PLAAT5: variants seen among roughly 807,000 people sequenced by gnomAD.
PLAAT5 encodes Ca(2+)-independent N-acyltransferase.
A neutral mutation model predicts 27.8 loss-of-function variants in PLAAT5; 27 were observed. The ratio of observed to expected loss-of-function variants is 0.97; its 90% confidence interval spans 0.72 to 1.34. The LOEUF is 1.34. Ranked by LOEUF, PLAAT5 falls within the 40% of genes most tolerant of loss-of-function variation. The pLI, the probability that PLAAT5 is intolerant of heterozygous loss-of-function variation, is 0.00. For synonymous variants in PLAAT5, 125 were observed against 136.1 expected, an observed-to-expected ratio of 0.92 and a Z score of 0.57; for missense variants, 368 against 343.8, an observed-to-expected ratio of 1.07 and a Z score of -0.56.
chr11:63,481,834 C>T (rs1403291214), intron 3 of PLAAT5, among the ~76,000 whole-genome samples: 2 of 152,114 alleles, frequency 1.3e-5, no homozygotes, highest in Admixed American at 6.5e-5. Context: ...CATGTTCTCA[C>T]TCATAGGTGG....
intron 3 of PLAAT5, among the ~76,000 whole-genome samples, chr11:63,473,706 G>GTTTTTTTTTTT: frequency 8.5e-6 from 1 of 117,684 alleles, no homozygotes; most frequent in Admixed American, 8.6e-5. Context: ...TTTTTTTGTT[G>GTTTTTTTTTTT]TTTTTTTTTT....
intron 3 of PLAAT5, chr11:63,469,872 A>C (rs2015974152): frequency 6.6e-6 from 1 of 152,448 alleles, no homozygotes; most frequent in Non-Finnish European, 1.5e-5. Context: ...GGATCACCTG[A>C]GGTCAGGAGT....
intron 3 of PLAAT5, among the ~76,000 whole-genome samples, chr11:63,476,603 T>C (rs1240835842): frequency 1.3e-5 from 2 of 152,218 alleles, no homozygotes; most frequent in South Asian, 4.1e-4. Context: ...ATCTCTTGTA[T>C]ACAATAAGTC....
In PLAAT5 at chr11:63,490,227, C is replaced by G. The variant is rs778914129; in HGVS notation, c.239+16G>C. 6.2e-7 allele frequency: 1 copy of G among 1,614,174 alleles called. No individual in the cohort carries two copies. The highest frequency in any genetic ancestry group is 1.7e-5 in the Admixed American group (1 of 60,014). On this transcript the variant is annotated intron_variant, in intron 2 of 5. Coordinates refer to ENST00000540857, the MANE Select transcript of PLAAT5 (RefSeq NM_001146729.2). ...ATTTCTTCCACCCAAAGACCCCAAC[C>G]TTACAATCTTCTTACCCTTGCTGGA...
intron 3 of PLAAT5, among the ~76,000 whole-genome samples, chr11:63,480,798 T>G (rs2120301701): frequency 6.6e-6 from 1 of 152,298 alleles, no homozygotes; most frequent in Admixed American, 6.5e-5. Flanking sequence ...TCTGCTAACT[T>G]CATGAGCCAC....
intron 4 of PLAAT5, among the ~76,000 whole-genome samples, chr11:63,467,373 T>C (rs1221239692): frequency 6.6e-6 from 1 of 152,048 alleles, no homozygotes; most frequent in African/African-American, 2.4e-5. Context: ...TTGAGTAGGT[T>C]CTGAGACAAG....
At chr11:63,474,226 T>C (rs984380133) in intron 3 of PLAAT5, among the ~76,000 whole-genome samples, 1 of 152,166 alleles carries the variant, frequency 6.6e-6, no homozygotes, top group African/African-American at 2.4e-5. Context: ...ACAGAATGAG[T>C]TGGGAAGCAT....
At chr11:63,490,747 G>C (rs967496244) in intron 1 of PLAAT5, 140 bp downstream of exon 1, 3 of 810,680 alleles carry the variant, frequency 3.7e-6, no homozygotes, top group African/African-American at 3.5e-5. Flanking sequence ...ACAAGCGGTC[G>C]TTCTGAAATA....
chr11:63,490,408 G>A, intron 1 of PLAAT5, 75 bp from the exon 2 acceptor site: 1 of 1,610,476 alleles, frequency 6.2e-7, no homozygotes, highest in Non-Finnish European at 8.5e-7. Context: ...GCTACGGAGA[G>A]TGGGCTCAGA....
At chr11:63,466,459 C>T in intron 4 of PLAAT5, 87 bp from the exon 5 acceptor site, 1 of 1,364,296 alleles carries the variant, frequency 7.3e-7, no homozygotes, top group Non-Finnish European at 1.0e-6. Flanking sequence ...GCTGCTTCCC[C>T]TGGAGTCTCA....
At chr11:63,490,432 A>G in intron 1 of PLAAT5, 99 bp from the exon 2 acceptor site, 1 of 1,591,482 alleles carries the variant, frequency 6.3e-7, no homozygotes, top group African/African-American at 1.4e-5. Flanking sequence ...CTAGTCTAGC[A>G]TCGTGCCTGG....
intron 3 of PLAAT5, among the ~76,000 whole-genome samples, chr11:63,483,485 T>G (rs991218122): frequency 2.9e-4 from 44 of 151,176 alleles, no homozygotes; most frequent in African/African-American, 1.0e-3. Flanking sequence ...ACAAGGAAAT[T>G]AAGTCATCTA....
chr11:63,476,589 GTGCATC>G (rs1418242455), intron 3 of PLAAT5, among the ~76,000 whole-genome samples: 1 of 151,808 alleles, frequency 6.6e-6, no homozygotes, highest in Non-Finnish European at 1.5e-5. Context: ...GTTTTTTATT[GTGCATC>G]TCTTGTATAC....
chr11:63,490,478 G>C (rs1200024933), intron 1 of PLAAT5, 145 bp from the exon 2 acceptor site: 1 of 1,315,098 alleles, frequency 7.6e-7, no homozygotes, highest in African/African-American at 1.4e-5. Context: ...TGGGATGAAT[G>C]GAGAGGGTTG....
rs1402287266 is a variant in PLAAT5 at position 63,483,801 on chromosome 11, G to GTGTA, written c.345+5069_345+5070insTACA. Among the ~76,000 whole-genome samples, 183 of 24,154 alleles carry GTGTA rather than the reference G, an allele frequency of 7.6e-3. 1 individual carries two copies. The highest frequency in any genetic ancestry group is 0.013 in the South Asian group (11 of 866). 15.8% of individuals were successfully genotyped at this position (24,154 alleles called of 152,430 possible). On this transcript the variant is annotated intron_variant, in intron 3 of 5. Transcript: ENST00000540857. ...AAAAAAAAAATATATATATATATAT[G>GTGTA]TATATATATATATATATATATATAT... is the stretch of plus-strand genomic sequence containing the variant.
chr11:63,473,590 TC>T (rs1409316675), intron 3 of PLAAT5, among the ~76,000 whole-genome samples: 2 of 152,310 alleles, frequency 1.3e-5, no homozygotes, highest in Non-Finnish European at 2.9e-5. Flanking sequence ...TTAACTGAGT[TC>T]AAGAGAATTT....
At chr11:63,488,459 T>A (rs1277657896) in intron 3 of PLAAT5, among the ~76,000 whole-genome samples, 7 of 152,180 alleles carry the variant, frequency 4.6e-5, no homozygotes, top group African/African-American at 1.4e-4. Flanking sequence ...TTGTATATTT[T>A]AGATATGTGG....
At chr11:63,483,501 CAAT>C (rs1282726501) in intron 3 of PLAAT5, among the ~76,000 whole-genome samples, 1 of 151,468 alleles carries the variant, frequency 6.6e-6, no homozygotes, top group Non-Finnish European at 1.5e-5. Context: ...ATCTACTCCT[CAAT>C]GATATTTGGT....
chr11:63,490,475 A>C, intron 1 of PLAAT5, 142 bp from the exon 2 acceptor site: 1 of 1,339,174 alleles, frequency 7.5e-7, no homozygotes, highest in Non-Finnish European at 1.0e-6. Flanking sequence ...TCTTGGGATG[A>C]ATGGAGAGGG....
Sources: allele counts gnomAD v4.1 joint callset (sites outside exome capture counted in the v4.1 genomes callset), GRCh38; gene constraint gnomAD v4.1.1; transcripts MANE v1.5; gene names NCBI Gene and HGNC (gene_info 2026-07-23, HGNC 2026-07-21).